GMDS: variants seen among roughly 807,000 people sequenced by gnomAD.
GMDS encodes GDP-mannose 4,6 dehydratase.
A neutral mutation model predicts 49.9 loss-of-function variants in GMDS; 20 were observed. The ratio of observed to expected loss-of-function variants is 0.40; its 90% CI spans 0.28 to 0.58. The LOEUF (loss-of-function observed/expected upper bound fraction) is 0.58, where lower values mean the gene tolerates loss of function less well. Among genes scored for constraint, GMDS ranks in the 20% least tolerant of loss-of-function variants. GMDS has a pLI of 0.42. For synonymous variants in GMDS, 177 were observed against 178.6 expected (o/e 0.99, Z 0.07); for missense variants, 362 against 481.4 (o/e 0.75, Z 2.32).
intron 4 of GMDS, among the ~76,000 whole-genome samples, chr6:2,084,099 A>T (rs1206438034): frequency 6.6e-6 from 1 of 152,216 alleles, no homozygotes; most frequent in Non-Finnish European, 1.5e-5. Context: ...AAATGCAAGT[A>T]ACTTACTTTC....
At chr6:1,941,147 T>A (rs1486589045) in intron 6 of GMDS, among the ~76,000 whole-genome samples, 1 of 152,024 alleles carries the variant, frequency 6.6e-6, no homozygotes, top group Non-Finnish European at 1.5e-5. Flanking sequence ...CTAATAAACA[T>A]GAAATATTTA....
chr6:2,083,662 C>T (rs978342352), intron 4 of GMDS, among the ~76,000 whole-genome samples: 1 of 152,178 alleles, frequency 6.6e-6, no homozygotes, highest in African/African-American at 2.4e-5. Flanking sequence ...CCTCAGAAAG[C>T]TAATTTTGCC....
chr6:1,649,538 G>A (rs1371657829), intron 9 of GMDS, among the ~76,000 whole-genome samples: 7 of 152,172 alleles, frequency 4.6e-5, no homozygotes, highest in African/African-American at 7.2e-5. Flanking sequence ...AAGAGTCCTA[G>A]AGGAATTGAA....
At chr6:1,989,578 T>TAAC (rs745953578) in intron 4 of GMDS, among the ~76,000 whole-genome samples, 9 of 152,230 alleles carry the variant, frequency 5.9e-5, no homozygotes, top group Admixed American at 2.0e-4. Flanking sequence ...AGACTTTGTT[T>TAAC]AATCTTTGAA....
At chr6:2,161,595 C>T (rs1399796398) in intron 1 of GMDS, among the ~76,000 whole-genome samples, 1 of 152,210 alleles carries the variant, frequency 6.6e-6, no homozygotes, top group Non-Finnish European at 1.5e-5. Flanking sequence ...TTTTCCACAT[C>T]TTAATAAAAC....
At chr6:2,067,119 A>G (rs1315739779) in intron 4 of GMDS, among the ~76,000 whole-genome samples, 1 of 151,196 alleles carries the variant, frequency 6.6e-6, no homozygotes, top group African/African-American at 2.4e-5. Flanking sequence ...CTCACTCAAA[A>G]CCGCTCAACT....
chr6:1,847,330 T>A (rs1757454241), intron 7 of GMDS, among the ~76,000 whole-genome samples: 1 of 152,310 alleles, frequency 6.6e-6, no homozygotes, highest in African/African-American at 2.4e-5. Context: ...ATTACAGGTA[T>A]GAGCCACGGC....
chr6:1,935,590 A>G (rs1421765175), intron 6 of GMDS, among the ~76,000 whole-genome samples: 1 of 152,222 alleles, frequency 6.6e-6, no homozygotes, highest in Non-Finnish European at 1.5e-5. Flanking sequence ...AAAAATCAAA[A>G]TAAACAGCCA....
chr6:2,065,095 C>T (rs1771469733), intron 4 of GMDS, among the ~76,000 whole-genome samples: 1 of 152,104 alleles, frequency 6.6e-6, no homozygotes, highest in Non-Finnish European at 1.5e-5. Flanking sequence ...CAGACTGCCT[C>T]CTCAAGTGGA....
At chr6:1,886,870 T>A (rs1005018999) in intron 7 of GMDS, among the ~76,000 whole-genome samples, 1 of 152,184 alleles carries the variant, frequency 6.6e-6, no homozygotes, top group Non-Finnish European at 1.5e-5. Flanking sequence ...AATTGGCAGA[T>A]TTTTTCTTAT....
At chr6:2,143,444 G>T (rs1284745421) in intron 1 of GMDS, among the ~76,000 whole-genome samples, 2 of 152,182 alleles carry the variant, frequency 1.3e-5, no homozygotes, top group Non-Finnish European at 2.9e-5. Flanking sequence ...TCCTGCCCCA[G>T]CATCCAGGTG....
intron 1 of GMDS, among the ~76,000 whole-genome samples, chr6:2,129,590 C>A (rs578243207): frequency 6.6e-6 from 1 of 152,146 alleles, no homozygotes; most frequent in Non-Finnish European, 1.5e-5. Context: ...AATAGAATAA[C>A]CCCTTCTGCA....
intron 4 of GMDS, among the ~76,000 whole-genome samples, chr6:1,961,974 C>T (rs766803286): frequency 3.4e-4 from 52 of 152,102 alleles, no homozygotes; most frequent in African/African-American, 1.1e-3. Context: ...ATGTGGCTGC[C>T]GGGAAATCAA....
intron 1 of GMDS, among the ~76,000 whole-genome samples, chr6:2,194,028 C>CTAT (rs1779173499): frequency 7.7e-6 from 1 of 130,640 alleles, no homozygotes; most frequent in Non-Finnish European, 1.5e-5. Flanking sequence ...GCCAAAAATG[C>CTAT]TATTTTTTTT....
chr6:1,700,565 C>T (rs369833655), intron 9 of GMDS, among the ~76,000 whole-genome samples: 2 of 152,132 alleles, frequency 1.3e-5, no homozygotes, highest in African/African-American at 4.8e-5. Context: ...AGGAGCTGCA[C>T]GGCCACATTT....
At chr6:2,192,203 G>A (rs1779053868) in intron 1 of GMDS, among the ~76,000 whole-genome samples, 1 of 152,052 alleles carries the variant, frequency 6.6e-6, no homozygotes. Flanking sequence ...CTGAACACTT[G>A]TTGGGATGAC....
At chr6:1,852,711 A>ATTTTTT (rs777786801) in intron 7 of GMDS, among the ~76,000 whole-genome samples, 2 of 142,516 alleles carry the variant, frequency 1.4e-5, no homozygotes, top group African/African-American at 5.2e-5. Flanking sequence ...GTGGGATCCG[A>ATTTTTT]TTTTTTTTTT....
intron 4 of GMDS, among the ~76,000 whole-genome samples, chr6:2,066,929 A>C (rs1771640308): frequency 6.6e-6 from 1 of 152,096 alleles, no homozygotes; most frequent in South Asian, 2.1e-4. Flanking sequence ...ACACATCTAC[A>C]GAACCCTCCA....
chr6:1,996,600 C>A (rs1487790507), intron 4 of GMDS, among the ~76,000 whole-genome samples: 12 of 152,170 alleles, frequency 7.9e-5, no homozygotes, highest in Non-Finnish European at 1.3e-4. Context: ...CCACTCTCTG[C>A]ATCATATGGC....
Sources: gnomAD v4.1 joint callset for allele counts (sites outside exome capture counted in the v4.1 genomes callset) on GRCh38, gnomAD v4.1.1 for gene constraint, MANE v1.5 for transcripts, NCBI Gene and HGNC (gene_info 2026-07-23, HGNC 2026-07-21) for gene names.